Variants in MLIP observed in about 807,000 individuals in gnomAD.
The protein encoded by MLIP is muscular LMNA interacting protein.
Under a neutral mutation model 84.8 loss-of-function variants are expected in MLIP, and 79 were observed. The ratio of observed to expected loss-of-function variants is 0.93; its 90% CI spans 0.78 to 1.12. MLIP has a LOEUF of 1.12. Among genes scored for constraint, MLIP ranks in the 50% most tolerant of loss-of-function variants. The pLI, the probability that MLIP is intolerant of heterozygous loss-of-function variation, is 0.00. For missense variants in MLIP, 1,257 were observed against 1,160.6 expected, an observed-to-expected ratio of 1.08 and a Z score of -1.21; for synonymous variants, 504 against 463.0, an observed-to-expected ratio of 1.09 and a Z score of -1.14.
chr6:54,215,573 A>G (rs771823370), intron 11 of MLIP: 21 of 223,462 alleles, frequency 9.4e-5, no homozygotes, highest in Non-Finnish European at 1.7e-4. Flanking sequence ...AAATTAATCA[A>G]TGTAACTATT....
intron 10 of MLIP, among the ~76,000 whole-genome samples, chr6:54,193,935 T>G (rs1293115832): frequency 6.6e-6 from 1 of 152,156 alleles, no homozygotes; most frequent in Non-Finnish European, 1.5e-5. Context: ...TAAACCCTGG[T>G]CTTCTTTGGC....
At position 54,137,349 on chromosome 6, in the gene MLIP, A is replaced by G; in HGVS notation, c.1280A>G (p.His427Arg). The change falls in exon 4 of 14, where the codon CAC (histidine) becomes CGC (arginine). Residue 427 changes from histidine (H) to arginine (R), a missense_variant. Transcript: ENST00000502396. The part of the protein sequence containing the change: ...LTAILKSNPS[H>R]QRPFSPASCP... ...GCCATTCTCAAGTCAAACCCTTCCC[A>G]CCAAAGACCCTTTTCCCCTGCATCC... The G allele has an allele frequency of 1.3e-6, 2 of 1,535,222 alleles. No homozygotes were observed. Among genetic ancestry groups the G allele is most frequent in the Non-Finnish European group, 8.7e-7 (1 of 1,146,670 alleles).
intron 12 of MLIP, among the ~76,000 whole-genome samples, chr6:54,243,637 TA>T (rs1474538573): frequency 7.2e-5 from 11 of 152,202 alleles, no homozygotes. Flanking sequence ...AAAGTATATA[TA>T]ATTTGTACAA....
chr6:54,170,324 T>C (rs1775644510), intron 9 of MLIP, among the ~76,000 whole-genome samples: 1 of 151,668 alleles, frequency 6.6e-6, no homozygotes, highest in Non-Finnish European at 1.5e-5. Context: ...TTATGAAGAG[T>C]AAATAGTTAT....
At chr6:54,180,110 T>C (rs990891994) in intron 9 of MLIP, among the ~76,000 whole-genome samples, 1 of 152,162 alleles carries the variant, frequency 6.6e-6, no homozygotes, top group South Asian at 2.1e-4. Context: ...TGTTTGTTTG[T>C]TTTTCCTTCA....
chr6:54,081,992 C>G (rs897077024), intron 1 of MLIP, among the ~76,000 whole-genome samples: 1 of 151,980 alleles, frequency 6.6e-6, no homozygotes, highest in Admixed American at 6.6e-5. Context: ...CCCAACTTTG[C>G]CTAGTGTTTA....
chr6:54,212,582 T>G (rs1779536966), intron 11 of MLIP, among the ~76,000 whole-genome samples: 1 of 152,230 alleles, frequency 6.6e-6, no homozygotes. Context: ...TGCATGGGCT[T>G]GCCCCCGCCC....
intron 9 of MLIP, among the ~76,000 whole-genome samples, chr6:54,172,621 G>T (rs1355176221): frequency 6.6e-6 from 1 of 151,024 alleles, no homozygotes; most frequent in Non-Finnish European, 1.5e-5. Context: ...GTTTTCCTGG[G>T]ATAATTATAA....
intron 5 of MLIP, among the ~76,000 whole-genome samples, chr6:54,153,252 G>A (rs1327529259): frequency 2.0e-5 from 3 of 151,994 alleles, no homozygotes; most frequent in East Asian, 1.9e-4. Context: ...TAATAAAAAC[G>A]ACGGCATAAA....
chr6:54,169,549 G>A lies in MLIP; in HGVS notation c.2521G>A (p.Ala841Thr), dbSNP rs1202980485. 3.1e-6 allele frequency: 5 copies of A among 1,589,728 alleles called. No individual in the cohort carries two copies. Among genetic ancestry groups the A allele is most frequent in the Admixed American group, 1.8e-5 (1 of 56,566 alleles). The stretch of plus-strand genomic sequence containing the variant: ...ACAGACTCCTACAACTCTTCCAAGA[G>A]CAGCTGGTCGAGAAACCAAATATGT... ...TVKTPTTLPR[A>T]AGRETKYANL... Residue 841 changes from alanine to threonine, a missense_variant, in exon 9 of 14, where the codon GCA (alanine) becomes ACA (threonine). By Grantham distance (58) the Ala-to-Thr change is moderately conservative. Transcript: ENST00000502396.
At chr6:54,079,012 T>G (rs963758141) in intron 1 of MLIP, among the ~76,000 whole-genome samples, 7 of 152,188 alleles carry the variant, frequency 4.6e-5, no homozygotes, top group African/African-American at 1.7e-4. Flanking sequence ...TTTCTAGTGT[T>G]AAGAATGTTG....
At chr6:54,143,449 G>A (rs1025388552) in intron 4 of MLIP, among the ~76,000 whole-genome samples, 3 of 151,918 alleles carry the variant, frequency 2.0e-5, no homozygotes, top group Non-Finnish European at 2.9e-5. Context: ...CAGGTGATCC[G>A]CCTGCCTTGG....
upstream of MLIP, among the ~76,000 whole-genome samples, chr6:54,107,901 C>T (rs1395300515): frequency 2.6e-5 from 4 of 152,208 alleles, no homozygotes; most frequent in Non-Finnish European, 5.9e-5. Flanking sequence ...TCTGAATAGC[C>T]TTGGCAGCTG....
At chr6:54,099,775 G>T (rs1426590022) in intron 1 of MLIP, among the ~76,000 whole-genome samples, 1 of 152,146 alleles carries the variant, frequency 6.6e-6, no homozygotes, top group African/African-American at 2.4e-5. Context: ...TTGGTAATTA[G>T]AACAGGCAGA....
intron 5 of MLIP, among the ~76,000 whole-genome samples, chr6:54,155,257 G>C (rs1405817785): frequency 6.6e-6 from 1 of 151,968 alleles, no homozygotes; most frequent in Non-Finnish European, 1.5e-5. Context: ...TCCCCAACTA[G>C]ACAATCAAAG....
rs568650476 is a variant in MLIP at position 54,129,778 on chromosome 6, T to A, written c.645+4913T>A. 4.6e-5 allele frequency among the ~76,000 whole-genome samples: 7 copies of A among 152,296 alleles called. No individual in the cohort carries two copies. In the East Asian group the frequency reaches 1.4e-3, roughly 29 times the overall value. On this transcript the variant is annotated intron_variant, in intron 3 of 13. Transcript: ENST00000502396. ...GAAGTGTTCATGGCCATCAGCTGGA[T>A]GGCTCTTTGAATGCAGAACAGAGCC...
intron 13 of MLIP, among the ~76,000 whole-genome samples, chr6:54,265,594 G>A (rs1783640078): frequency 6.6e-6 from 1 of 152,228 alleles, no homozygotes; most frequent in Middle Eastern, 3.4e-3. Flanking sequence ...GTGAAGTTAA[G>A]TCATCAGCCA....
At chr6:54,054,602 A>G (rs576424286) in intron 1 of MLIP, among the ~76,000 whole-genome samples, 1 of 152,150 alleles carries the variant, frequency 6.6e-6, no homozygotes, top group Non-Finnish European at 1.5e-5. Context: ...CAAAGCAATA[A>G]TAGTCAATAT....
At chr6:54,150,423 C>A (rs956238448) in intron 5 of MLIP, among the ~76,000 whole-genome samples, 1 of 152,098 alleles carries the variant, frequency 6.6e-6, no homozygotes, top group Non-Finnish European at 1.5e-5. Context: ...TTATTCCACA[C>A]TCTGGGGCCA....
Sources: allele counts gnomAD v4.1 joint callset (sites outside exome capture counted in the v4.1 genomes callset), GRCh38; gene constraint gnomAD v4.1.1; transcripts MANE v1.5; gene names NCBI Gene and HGNC (gene_info 2026-07-23, HGNC 2026-07-21).